TWSG1: variants seen among roughly 807,000 people sequenced by gnomAD.
TWSG1 encodes twisted gastrulation BMP signaling modulator 1, also known as twisted gastrulation protein homolog 1.
TWSG1 carries 15 observed loss-of-function variants against 23.0 expected under a neutral mutation model. That is an observed-to-expected ratio of 0.65 (90% confidence interval 0.44 to 1.00). TWSG1 has a LOEUF of 1.00. Among genes scored for constraint, TWSG1 ranks in the 50% least tolerant of loss-of-function variants. The pLI is 0.00. For synonymous variants in TWSG1, 86 were observed against 92.8 expected, an observed-to-expected ratio of 0.93 and a Z score of 0.42; for missense variants, 242 against 278.7, an observed-to-expected ratio of 0.87 and a Z score of 0.94.
chr18:9,358,074 A>G (rs146614256), intron 2 of TWSG1, among the ~76,000 whole-genome samples: 2 of 152,314 alleles, frequency 1.3e-5, no homozygotes, highest in East Asian at 1.9e-4. Context: ...TCAATGAAGA[A>G]TATCTCCAAC....
intron 3 of TWSG1, among the ~76,000 whole-genome samples, chr18:9,376,868 GT>G (rs2040632810): frequency 6.6e-6 from 1 of 150,924 alleles, no homozygotes; most frequent in Admixed American, 6.6e-5. Flanking sequence ...GCCTATGATG[GT>G]TATGTCTGTA....
chr18:9,356,385 C>G (rs2040527040), intron 2 of TWSG1, among the ~76,000 whole-genome samples: 1 of 152,158 alleles, frequency 6.6e-6, no homozygotes, highest in African/African-American at 2.4e-5. Flanking sequence ...CATTCTCACC[C>G]ACCTTTTCAT....
intron 3 of TWSG1, among the ~76,000 whole-genome samples, chr18:9,370,786 A>G (rs2145616743): frequency 6.6e-6 from 1 of 152,304 alleles, no homozygotes; most frequent in Middle Eastern, 3.4e-3. Flanking sequence ...CTTCAAGAAC[A>G]TTCATTTAAG....
At chr18:9,336,031 T>TC (rs1385456747) in intron 1 of TWSG1, among the ~76,000 whole-genome samples, 1 of 152,238 alleles carries the variant, frequency 6.6e-6, no homozygotes, top group African/African-American at 2.4e-5. Flanking sequence ...TAGTCTTTTT[T>TC]CCTTCTTCTT....
At chr18:9,385,074 A>T (rs1053978577) in intron 3 of TWSG1, among the ~76,000 whole-genome samples, 3 of 152,218 alleles carry the variant, frequency 2.0e-5, no homozygotes, top group Non-Finnish European at 4.4e-5. Context: ...TTGCAGCTTT[A>T]TGGAGTGTGG....
chr18:9,363,826 C>A lies in TWSG1; in HGVS notation c.223+3755C>A, dbSNP rs146968301. Among the ~76,000 whole-genome samples the A allele has an allele frequency of 3.2e-3, 486 of 152,116 alleles. 3 individuals carry two copies. Among genetic ancestry groups the A allele is most frequent in the African/African-American group, 0.011 (460 of 41,502 alleles). ...ATTTTTTTGTACAGATGGGGTTTCA[C>A]CATGTTGGCCAGGCTGGTCTCGAAC... On this transcript the variant is annotated intron_variant, in intron 3 of 4. Transcript: ENST00000262120.
chr18:9,358,530 T>C (rs1169031771), intron 2 of TWSG1, among the ~76,000 whole-genome samples: 3 of 152,166 alleles, frequency 2.0e-5, no homozygotes, highest in Admixed American at 6.5e-5. Context: ...CATTCCAAAC[T>C]GTCCAGTGCA....
intron 3 of TWSG1, among the ~76,000 whole-genome samples, chr18:9,367,327 T>A (rs1035745930): frequency 6.6e-6 from 1 of 152,180 alleles, no homozygotes; most frequent in African/African-American, 2.4e-5. Flanking sequence ...AACTGAAATT[T>A]TGCATTATTT....
chr18:9,341,876 A>G (rs551088581), intron 2 of TWSG1, among the ~76,000 whole-genome samples: 4 of 151,938 alleles, frequency 2.6e-5, no homozygotes, highest in Non-Finnish European at 2.9e-5. Context: ...TCTTGAGGGA[A>G]TTGAAGAGAG....
intron 3 of TWSG1, among the ~76,000 whole-genome samples, chr18:9,395,752 A>G (rs1373103028): frequency 1.3e-5 from 2 of 152,126 alleles, no homozygotes; most frequent in Non-Finnish European, 2.9e-5. Context: ...TTTTTTGTAG[A>G]GATGATGTTT....
intron 2 of TWSG1, among the ~76,000 whole-genome samples, chr18:9,359,680 T>A (rs1469905764): frequency 2.0e-5 from 3 of 152,342 alleles, no homozygotes; most frequent in Non-Finnish European, 4.4e-5. Context: ...TGTACTGAAT[T>A]ATTCGTTGAG....
At chr18:9,338,974 G>A (rs1334020537) in intron 2 of TWSG1, among the ~76,000 whole-genome samples, 2 of 152,180 alleles carry the variant, frequency 1.3e-5, no homozygotes, top group Non-Finnish European at 2.9e-5. Flanking sequence ...TGAGGCAGGA[G>A]GATCACTTGA....
intron 2 of TWSG1, among the ~76,000 whole-genome samples, chr18:9,345,025 C>T (rs1232258121): frequency 6.6e-6 from 1 of 152,168 alleles, no homozygotes; most frequent in Non-Finnish European, 1.5e-5. Flanking sequence ...TCTCAAAGCG[C>T]TGGAATTACA....
At chr18:9,355,344 TCA>T (rs1272768719) in intron 2 of TWSG1, among the ~76,000 whole-genome samples, 2 of 152,220 alleles carry the variant, frequency 1.3e-5, no homozygotes, top group Non-Finnish European at 2.9e-5. Context: ...CCTTGTTTCA[TCA>T]CAGAGAGTTG....
At chr18:9,342,646 A>G (rs2145592072) in intron 2 of TWSG1, among the ~76,000 whole-genome samples, 1 of 152,312 alleles carries the variant, frequency 6.6e-6, no homozygotes, top group Admixed American at 6.5e-5. Context: ...TGGAGCCTTC[A>G]GTCTTGATGT....
chr18:9,345,676 T>G (rs1402273704), intron 2 of TWSG1, among the ~76,000 whole-genome samples: 2 of 152,212 alleles, frequency 1.3e-5, no homozygotes, highest in East Asian at 3.8e-4. Flanking sequence ...TGTTTTGAAA[T>G]CAGGAAGTCT....
chr18:9,389,555 T>C (rs1243423542), intron 3 of TWSG1, among the ~76,000 whole-genome samples: 1 of 152,206 alleles, frequency 6.6e-6, no homozygotes, highest in East Asian at 1.9e-4. Context: ...GATCCTGTCA[T>C]ACAACCTAAG....
At chr18:9,376,575 C>T (rs1189105603) in intron 3 of TWSG1, among the ~76,000 whole-genome samples, 1 of 152,162 alleles carries the variant, frequency 6.6e-6, no homozygotes, top group Non-Finnish European at 1.5e-5. Context: ...GACATGGTGG[C>T]TCACGCCTGT....
chr18:9,360,012 G>T lies in TWSG1; in HGVS notation c.164G>T (p.Cys55Phe), dbSNP rs1313038514. ...QCRPGEGNCS[C>F]CKECMLCLGA... ...CGGCCGGGAGAAGGCAATTGCTCCTGCTGTAAGGAGTGCATGCTGTGTCTT... is the reference window on the plus strand; with the variant it reads ...CGGCCGGGAGAAGGCAATTGCTCCTTCTGTAAGGAGTGCATGCTGTGTCTT... Residue 55 changes from cysteine to phenylalanine, a missense_variant, in exon 3 of 5, where the codon TGC (cysteine) becomes TTC (phenylalanine). Coordinates refer to ENST00000262120, the MANE Select transcript of TWSG1 (RefSeq NM_020648.6). 6.2e-7 allele frequency: 1 copy of T among 1,613,740 alleles called. No individual in the cohort carries two copies. The highest frequency in any genetic ancestry group is 1.7e-5 in the Admixed American group (1 of 60,018).
Sources: gnomAD v4.1 joint callset for allele counts (sites outside exome capture counted in the v4.1 genomes callset) on GRCh38, gnomAD v4.1.1 for gene constraint, MANE v1.5 for transcripts, NCBI Gene and HGNC (gene_info 2026-07-23, HGNC 2026-07-21) for gene names.